The following COP1 variants were observed in gnomAD, a reference collection of about 807,000 sequenced individuals.
COP1 encodes the protein E3 ubiquitin-protein ligase COP1.
COP1 carries 24 observed loss-of-function variants against 101.3 expected under a neutral mutation model. The observed-to-expected ratio is 0.24, with a 90% confidence interval of 0.17 to 0.33. The LOEUF (loss-of-function observed/expected upper bound fraction) is 0.33, where lower values mean the gene tolerates loss of function less well. Ranked by LOEUF, COP1 falls within the 10% of genes least tolerant of loss-of-function variation. The probability of loss-of-function intolerance (pLI) is 1.00; values close to 1 mark genes in which losing one functional copy is unlikely to be tolerated. For synonymous variants in COP1, 347 were observed against 341.9 expected (o/e 1.01, Z -0.17); for missense variants, 663 against 906.2 (o/e 0.73, Z 3.45).
intron 18 of COP1, among the ~76,000 whole-genome samples, chr1:175,969,616 T>C (rs1260584704): frequency 6.6e-6 from 1 of 152,190 alleles, no homozygotes; most frequent in Non-Finnish European, 1.5e-5. Context: ...CATAAACATA[T>C]ACAAGTTTAC....
At chr1:176,137,430 A>C (rs1181400761) in intron 6 of COP1, among the ~76,000 whole-genome samples, 3 of 152,190 alleles carry the variant, frequency 2.0e-5, no homozygotes, top group Non-Finnish European at 4.4e-5. Context: ...AATCAAAAGA[A>C]AACTGCTTTC....
chr1:175,953,764 T>C lies in COP1; in HGVS notation c.2134-6525A>G, dbSNP rs1236154316. On this transcript the variant is annotated intron_variant, in intron 18 of 19. Coordinates refer to ENST00000367669, the MANE Select transcript of COP1 (RefSeq NM_022457.7). ...TCATAATTAAATAAGGGTCAACTTA[T>C]AAAAAAAAAAAAAAACTCCTATATA... is the stretch of plus-strand genomic sequence containing the variant. Among the ~76,000 whole-genome samples the C allele has an allele frequency of 7.2e-5, 9 of 125,150 alleles. No homozygotes were observed. The East Asian group carries it at 1.7e-3, about 24-fold the overall frequency. 82.1% of individuals were successfully genotyped at this position (125,150 alleles called of 152,430 possible).
At chr1:176,124,317 A>G (rs1412636187) in intron 8 of COP1, among the ~76,000 whole-genome samples, 1 of 152,056 alleles carries the variant, frequency 6.6e-6, no homozygotes, top group African/African-American at 2.4e-5. Flanking sequence ...ATTATTATTG[A>G]CTATAGTCAC....
At chr1:176,203,867 C>G (rs1217019073) in intron 1 of COP1, among the ~76,000 whole-genome samples, 1 of 152,124 alleles carries the variant, frequency 6.6e-6, no homozygotes, top group African/African-American at 2.4e-5. Context: ...TTTAAATCAA[C>G]AGTTCTCAAG....
intron 18 of COP1, among the ~76,000 whole-genome samples, chr1:175,967,488 A>AAAAC (rs71129535): frequency 0.023 from 3,524 of 151,068 alleles, 93 homozygotes; most frequent in South Asian, 0.082. Context: ...TCAGTCTCAA[A>AAAAC]AAACAAACAA....
intron 15 of COP1, among the ~76,000 whole-genome samples, chr1:175,996,383 G>A (rs1660165542): frequency 6.6e-6 from 1 of 152,174 alleles, no homozygotes; most frequent in African/African-American, 2.4e-5. Flanking sequence ...ACATAGTGTT[G>A]GAAGTTCTGG....
At chr1:176,019,607 T>A (rs1666355272) in intron 15 of COP1, among the ~76,000 whole-genome samples, 1 of 149,628 alleles carries the variant, frequency 6.7e-6, no homozygotes, top group Non-Finnish European at 1.5e-5. Flanking sequence ...ACACCTGCAA[T>A]CCCAGGACCA....
At chr1:175,975,951 A>T (rs1273064973) in intron 18 of COP1, among the ~76,000 whole-genome samples, 1 of 152,178 alleles carries the variant, frequency 6.6e-6, no homozygotes, top group Non-Finnish European at 1.5e-5. Flanking sequence ...GATCTCCATA[A>T]GGGATCTTAG....
chr1:176,197,913 T>A (rs1699867614), intron 1 of COP1, among the ~76,000 whole-genome samples: 1 of 151,918 alleles, frequency 6.6e-6, no homozygotes, highest in Admixed American at 6.6e-5. Context: ...TAGAACACCA[T>A]CAAAAACATA....
intron 3 of COP1, among the ~76,000 whole-genome samples, chr1:176,165,953 A>G (rs1054650286): frequency 9.9e-5 from 15 of 152,282 alleles, no homozygotes; most frequent in African/African-American, 3.4e-4. Flanking sequence ...TATGAATTTA[A>G]CCATTTGAAG....
intron 11 of COP1, among the ~76,000 whole-genome samples, chr1:176,046,860 T>C (rs1671606466): frequency 6.6e-6 from 1 of 151,998 alleles, no homozygotes; most frequent in African/African-American, 2.4e-5. Context: ...TCATTACTTT[T>C]CCCCAAATCC....
intron 9 of COP1, among the ~76,000 whole-genome samples, chr1:176,092,433 A>C (rs1681499575): frequency 6.6e-6 from 1 of 152,178 alleles, no homozygotes. Context: ...ATTAATCATT[A>C]AAAAGGTGAG....
chr1:176,170,801 A>AT lies in COP1; in HGVS notation c.565+5108dup, dbSNP rs1222258078. Among the ~76,000 whole-genome samples the AT allele has an allele frequency of 2.6e-5, 4 of 152,224 alleles. No individual in the cohort carries two copies. The East Asian group carries it at 7.7e-4, about 29-fold the overall frequency. ...CAGGCACTGACTTCCCTCTCCAGCA[A>AT]TTAAAGTCCTAGATGGCATCTTCTT... is the stretch of plus-strand genomic sequence containing the variant. On this transcript the variant is annotated intron_variant, in intron 3 of 19. Coordinates refer to ENST00000367669, the MANE Select transcript of COP1 (RefSeq NM_022457.7).
At chr1:175,981,970 A>G (rs900416856) in intron 18 of COP1, among the ~76,000 whole-genome samples, 1 of 152,166 alleles carries the variant, frequency 6.6e-6, no homozygotes, top group Non-Finnish European at 1.5e-5. Context: ...TTCTATCATC[A>G]AAAAGACAAA....
chr1:176,162,382 T>C (rs1404567815), intron 5 of COP1, among the ~76,000 whole-genome samples: 1 of 152,194 alleles, frequency 6.6e-6, no homozygotes, highest in African/African-American at 2.4e-5. Flanking sequence ...AAATGGAATT[T>C]TACATTACAT....
At chr1:176,097,653 G>A (rs1379962349) in intron 9 of COP1, among the ~76,000 whole-genome samples, 2 of 152,066 alleles carry the variant, frequency 1.3e-5, no homozygotes, top group African/African-American at 4.8e-5. Flanking sequence ...TGGATCACCT[G>A]AGGTCAGGAG....
intron 15 of COP1, among the ~76,000 whole-genome samples, chr1:176,014,498 T>C (rs913497406): frequency 6.6e-6 from 1 of 152,226 alleles, no homozygotes; most frequent in African/African-American, 2.4e-5. Context: ...GGTGGTTACA[T>C]TCTGTAATTA....
intron 18 of COP1, among the ~76,000 whole-genome samples, chr1:175,977,621 T>G (rs1056314386): frequency 6.6e-6 from 1 of 152,096 alleles, no homozygotes; most frequent in Non-Finnish European, 1.5e-5. Context: ...GAGAGTGTCA[T>G]GAGAACAACA....
chr1:175,991,543 T>C (rs1311040627), intron 15 of COP1, among the ~76,000 whole-genome samples: 1 of 152,180 alleles, frequency 6.6e-6, no homozygotes, highest in Admixed American at 6.5e-5. Flanking sequence ...AAAAGTGTTC[T>C]CCCTTCAGAA....
Sources: allele counts gnomAD v4.1 joint callset (sites outside exome capture counted in the v4.1 genomes callset), GRCh38; gene constraint gnomAD v4.1.1; transcripts MANE v1.5; gene names NCBI Gene and HGNC (gene_info 2026-07-23, HGNC 2026-07-21).